The following TRIM35 variants were observed in gnomAD, a reference collection of about 807,000 sequenced individuals.
TRIM35 encodes the protein tripartite motif containing 35.
A neutral mutation model predicts 49.1 loss-of-function variants in TRIM35; 37 were observed. The observed-to-expected ratio is 0.75, with a 90% CI of 0.58 to 0.99. TRIM35 has a LOEUF of 0.99. Ranked by LOEUF, TRIM35 falls within the 50% of genes least tolerant of loss-of-function variation. The pLI, the probability that TRIM35 is intolerant of heterozygous loss-of-function variation, is 0.00. For missense variants in TRIM35, 648 were observed against 702.7 expected, an observed-to-expected ratio of 0.92 and a Z score of 0.88; for synonymous variants, 302 against 289.3, an observed-to-expected ratio of 1.04 and a Z score of -0.45.
intron 4 of TRIM35, among the ~76,000 whole-genome samples, chr8:27,289,681 G>A (rs1313926180): frequency 6.6e-6 from 1 of 152,222 alleles, no homozygotes; most frequent in Non-Finnish European, 1.5e-5. Flanking sequence ...CCAGTGGGAA[G>A]TGAGCACAGG....
intron 1 of TRIM35, 100 bp from the exon 2 acceptor site, chr8:27,298,659 C>G: frequency 2.1e-6 from 2 of 961,624 alleles, no homozygotes; most frequent in Non-Finnish European, 3.3e-6. Flanking sequence ...TCCACTTCAA[C>G]ACAAGTGTAA....
Position 27,290,198 on chromosome 8 carries a change from A to C in TRIM35, c.763-20T>G. On this transcript the variant is annotated intron_variant, in intron 3 of 5. Coordinates refer to ENST00000305364, the MANE Select transcript of TRIM35 (RefSeq NM_171982.5). ...GTGTTTCTGAAAAAATAAAAATAAA[A>C]AAATAACACAGAGACACAGATGTAG... 1.2e-6 allele frequency: 2 copies of C among 1,613,278 alleles called. No homozygotes were observed. The highest frequency in any genetic ancestry group is 1.7e-6 in the Non-Finnish European group (2 of 1,179,284).
At chr8:27,301,829 T>C (rs1450302147) in intron 1 of TRIM35, among the ~76,000 whole-genome samples, 1 of 152,268 alleles carries the variant, frequency 6.6e-6, no homozygotes. Context: ...CAAAGCTTTA[T>C]AGCTTTCCTT....
In TRIM35 at chr8:27,286,826, C is replaced by G. The variant is rs543676316; in HGVS notation, c.*724G>C. 129 of 152,788 alleles carry G rather than the reference C, an allele frequency of 8.4e-4. No individual in the cohort carries two copies. The highest frequency in any genetic ancestry group is 1.9e-3 in the Admixed American group (29 of 15,314). 9.5% of individuals were successfully genotyped at this position (152,788 alleles called of 1,614,324 possible). A position where few individuals can be genotyped will look rare whatever the true frequency, so the allele number is the denominator to read the frequency against. On this transcript the variant is annotated 3_prime_UTR_variant, in exon 6 of 6. Transcript: ENST00000305364. The stretch of plus-strand genomic sequence containing the variant: ...GGCAAGCATCTGGCTGAAAGCATGC[C>G]TTTCCTATGGAAACCAACTAATCCG...
Position 27,287,554 on chromosome 8 carries a change from C to T in TRIM35, c.1478G>A (p.Gly493Asp). 6.3e-7 allele frequency: 1 copy of T among 1,575,998 alleles called. No homozygotes were observed. The highest frequency in any genetic ancestry group is 1.3e-5 in the African/African-American group (1 of 74,490). ...LHISVKEELD[G>D] The stretch of plus-strand genomic sequence containing the variant: ...CCGGGGCAGCCCCGGGCCAGCTCAG[C>T]CATCCAGTTCTTCCTTGACACTGAT... The change falls in exon 6 of 6, where the codon GGC (glycine) becomes GAC (aspartate). Residue 493 changes from glycine to aspartate, a missense_variant. Physicochemically the swap from Gly to Asp is moderately conservative, Grantham distance 94. Transcript: ENST00000305364. The surrounding 1 kb of genome is among the most constrained non-coding windows in gnomAD (Gnocchi z 6.0).
intron 2 of TRIM35, 116 bp from the exon 3 acceptor site, chr8:27,294,426 C>A (rs947667486): frequency 1.1e-6 from 1 of 942,904 alleles, no homozygotes; most frequent in South Asian, 1.8e-5. Context: ...TGTATAGAAC[C>A]CCTACAGATA....
At chr8:27,290,269 T>C in intron 3 of TRIM35, 91 bp from the exon 4 acceptor site, 1 of 1,251,910 alleles carries the variant, frequency 8.0e-7, no homozygotes, top group Non-Finnish European at 1.2e-6. Context: ...ATGCATTCCA[T>C]GGATCATAAG....
intron 3 of TRIM35, among the ~76,000 whole-genome samples, chr8:27,292,468 A>G (rs1802474576): frequency 6.6e-6 from 1 of 152,262 alleles, no homozygotes; most frequent in African/African-American, 2.4e-5. Context: ...TCAGCCATAA[A>G]AAAGAATGAA....
chr8:27,310,000 A>G (rs1193519461), intron 1 of TRIM35, among the ~76,000 whole-genome samples: 1 of 151,602 alleles, frequency 6.6e-6, no homozygotes, highest in Non-Finnish European at 1.5e-5. Flanking sequence ...AAAAAAAACA[A>G]AGGGAAGTAA....
At position 27,294,219 on chromosome 8, in the gene TRIM35, G is replaced by A. The variant is rs1166310471; in HGVS notation, c.623C>T (p.Ala208Val). 1.2e-6 allele frequency: 2 copies of A among 1,614,142 alleles called. No homozygotes were observed. ...LRVEEQAILD[A>V]MAEETRQKQL... ...CTTCTGCCTTGTCTCCTCGGCCATG[G>A]CATCCAGAATGGCCTGCTCCTCCAC... is the stretch of plus-strand genomic sequence containing the variant. Residue 208 changes from alanine to valine, a missense_variant, in exon 3 of 6, where the codon GCC (alanine) becomes GTC (valine). By Grantham distance (64) the Ala-to-Val change is moderately conservative. Coordinates refer to ENST00000305364, the MANE Select transcript of TRIM35 (RefSeq NM_171982.5).
In TRIM35 at chr8:27,286,023, A is replaced by G. The variant is rs1359273567; in HGVS notation, c.*1527T>C. 1 of 451,012 alleles carries G rather than the reference A, an allele frequency of 2.2e-6. No homozygotes were observed. Among genetic ancestry groups the G allele is most frequent in the Non-Finnish European group, 4.5e-6 (1 of 224,648 alleles). 27.9% of individuals were successfully genotyped at this position (451,012 alleles called of 1,614,324 possible). On this transcript the variant is annotated 3_prime_UTR_variant, in exon 6 of 6. Coordinates refer to ENST00000305364, the MANE Select transcript of TRIM35 (RefSeq NM_171982.5). ...GTACACAACATATTTATAACCAATTAATACGTGTGAGTCATGATTTGTTTA... is the reference window on the plus strand; with the variant it reads ...GTACACAACATATTTATAACCAATTGATACGTGTGAGTCATGATTTGTTTA...
In TRIM35 at chr8:27,286,205, C is replaced by G; in HGVS notation, c.*1345G>C. The G allele has an allele frequency of 2.2e-6, 1 of 456,036 alleles. No individual in the cohort carries two copies. The highest frequency in any genetic ancestry group is 4.4e-6 in the Non-Finnish European group (1 of 226,890). 28.2% of individuals were successfully genotyped at this position (456,036 alleles called of 1,614,324 possible). ...GACATGATGAGCTGAAGATTAAAAA[C>G]TCTTCAGAGATGTGCGAGAAAAAAC... On this transcript the variant is annotated 3_prime_UTR_variant, in exon 6 of 6. Transcript: ENST00000305364.
intron 2 of TRIM35, among the ~76,000 whole-genome samples, chr8:27,295,353 A>G (rs7827119): frequency 0.048 from 7,293 of 152,286 alleles, 577 homozygotes; most frequent in African/African-American, 0.16. Context: ...CAACTGTTGG[A>G]AAAACCATTC....
In TRIM35 at chr8:27,294,327, G is replaced by C; in HGVS notation, c.532-17C>G. ...AGCCTCCACCTACGGAAGACAGCAG[G>C]AGGAGTCAGGGGTCAGATGTGGAGA... On this transcript the variant is annotated splice_polypyrimidine_tract_variant and intron_variant, in intron 2 of 5. Transcript: ENST00000305364. 2 of 1,609,244 alleles carry C rather than the reference G, an allele frequency of 1.2e-6. No homozygotes were observed. Among genetic ancestry groups the C allele is most frequent in the African/African-American group, 1.3e-5 (1 of 75,006 alleles).
chr8:27,310,785 A>C lies in TRIM35; in HGVS notation c.435+16T>G. On this transcript the variant is annotated intron_variant, in intron 1 of 5. Transcript: ENST00000305364. ...CAGACCCGGCTCGGCCGCCTCGTGC[A>C]AATCGCTGCTCTTACCCGAAAGTCG... 1 of 1,559,082 alleles carries C rather than the reference A, an allele frequency of 6.4e-7. No homozygotes were observed. Among genetic ancestry groups the C allele is most frequent in the Non-Finnish European group, 8.7e-7 (1 of 1,148,236 alleles).
At chr8:27,298,397 T>A in intron 2 of TRIM35, 67 bp downstream of exon 2, 1 of 1,491,252 alleles carries the variant, frequency 6.7e-7, no homozygotes, top group East Asian at 2.3e-5. Flanking sequence ...GGCTGACACA[T>A]CTTCACTCCT....
intron 1 of TRIM35, among the ~76,000 whole-genome samples, chr8:27,308,912 A>C (rs1222542925): frequency 6.6e-6 from 1 of 152,118 alleles, no homozygotes; most frequent in Admixed American, 6.5e-5. Context: ...ACTACCCTTA[A>C]ATTCCCTCAG....
intron 1 of TRIM35, among the ~76,000 whole-genome samples, chr8:27,299,644 T>C (rs73681514): frequency 0.035 from 5,262 of 152,248 alleles, 326 homozygotes; most frequent in African/African-American, 0.12. Context: ...GAGAGTGTTT[T>C]AAGCTGCTAA....
At chr8:27,304,936 A>G (rs998557341) in intron 1 of TRIM35, 1 of 388,378 alleles carries the variant, frequency 2.6e-6, no homozygotes, top group East Asian at 7.3e-5. Flanking sequence ...TTTCAGGCAG[A>G]TTGATGTAGC....
Sources: allele counts gnomAD v4.1 joint callset (sites outside exome capture counted in the v4.1 genomes callset), GRCh38; gene constraint gnomAD v4.1.1; non-coding constraint Gnocchi (gnomAD v3.1); transcripts MANE v1.5; gene names NCBI Gene and HGNC (gene_info 2026-07-23, HGNC 2026-07-21).